The following CMSS1 variants were observed in gnomAD, a reference collection of about 807,000 sequenced individuals.
CMSS1 encodes the protein protein CMSS1.
A neutral mutation model predicts 43.5 loss-of-function variants in CMSS1; 33 were observed. The ratio of observed to expected loss-of-function variants is 0.76; its 90% confidence interval spans 0.57 to 1.01. The LOEUF is 1.01. Among genes scored for constraint, CMSS1 ranks in the 50% least tolerant of loss-of-function variants. The probability of loss-of-function intolerance (pLI) is 0.00; values close to 1 mark genes in which losing one functional copy is unlikely to be tolerated. For synonymous variants in CMSS1, 115 were observed against 117.2 expected, an observed-to-expected ratio of 0.98 and a Z score of 0.12; for missense variants, 313 against 326.4, an observed-to-expected ratio of 0.96 and a Z score of 0.32.
intron 1 of CMSS1, among the ~76,000 whole-genome samples, chr3:99,955,965 C>T (rs891095602): frequency 2.0e-5 from 3 of 152,172 alleles, no homozygotes; most frequent in Non-Finnish European, 2.9e-5. Flanking sequence ...TATTTACTTG[C>T]CTAACTCCCG....
At chr3:100,169,736 C>T (rs560388423) in intron 6 of CMSS1, among the ~76,000 whole-genome samples, 3 of 152,286 alleles carry the variant, frequency 2.0e-5, no homozygotes, top group South Asian at 2.1e-4. Flanking sequence ...CAACTGCTTC[C>T]GGGCAGCTGT....
chr3:99,851,101 G>A (rs1252985168), intron 1 of CMSS1: 1 of 1,518,322 alleles, frequency 6.6e-7, no homozygotes, highest in East Asian at 2.3e-5. Context: ...TTTATTTTGT[G>A]ATTGATGCTT....
rs370295290 is a variant in CMSS1 at position 99,962,866 on chromosome 3, T to C, written c.64+144823T>C. On this transcript the variant is annotated intron_variant, in intron 1 of 9. Coordinates refer to ENST00000421999, the MANE Select transcript of CMSS1 (RefSeq NM_032359.4). ...GTACTCTGAGGGTGCCTTAAGACAA[T>C]GGCTGTAGCCTGCTGTTTATGGTCA... 3.3e-5 allele frequency among the ~76,000 whole-genome samples: 5 copies of C among 152,346 alleles called. No individual in the cohort carries two copies. The East Asian group carries it at 9.6e-4, about 29-fold the overall frequency.
chr3:99,962,261 G>A (rs940998545), intron 1 of CMSS1, among the ~76,000 whole-genome samples: 1 of 152,122 alleles, frequency 6.6e-6, no homozygotes, highest in Non-Finnish European at 1.5e-5. Context: ...AGAAATGCTA[G>A]GGCAGAAACC....
At chr3:100,005,269 T>C (rs1046852567) in intron 1 of CMSS1, among the ~76,000 whole-genome samples, 1 of 152,224 alleles carries the variant, frequency 6.6e-6, no homozygotes, top group Non-Finnish European at 1.5e-5. Flanking sequence ...CTTTGTGTTT[T>C]TGGCTCAATA....
At chr3:100,071,345 T>C (rs1415934177) in intron 1 of CMSS1, among the ~76,000 whole-genome samples, 1 of 152,168 alleles carries the variant, frequency 6.6e-6, no homozygotes, top group East Asian at 1.9e-4. Context: ...TGACCTCCTG[T>C]TCTATGGGGA....
chr3:99,849,596 CTG>C, intron 1 of CMSS1: 1 of 1,613,530 alleles, frequency 6.2e-7, no homozygotes, highest in Non-Finnish European at 8.5e-7. Context: ...TGGCTGGTCT[CTG>C]TCTTTTCTGC....
At chr3:99,860,230 G>C (rs569466521) in intron 1 of CMSS1, among the ~76,000 whole-genome samples, 2 of 152,166 alleles carry the variant, frequency 1.3e-5, no homozygotes, top group Non-Finnish European at 2.9e-5. Context: ...CTTTAGCTTG[G>C]TGTCAGAGGA....
At chr3:100,141,690 G>A (rs2107507754) in intron 1 of CMSS1, 1 of 398,372 alleles carries the variant, frequency 2.5e-6, no homozygotes, top group Middle Eastern at 3.6e-4. Context: ...TGCTGTTGTT[G>A]CCAGGGGTTG....
chr3:99,959,407 C>T (rs1478742585), intron 1 of CMSS1, among the ~76,000 whole-genome samples: 1 of 152,238 alleles, frequency 6.6e-6, no homozygotes, highest in Non-Finnish European at 1.5e-5. Flanking sequence ...GACTCAGACT[C>T]CCAAAGTGCT....
chr3:99,849,229 A>C (rs1943531253), intron 1 of CMSS1: 1 of 1,614,020 alleles, frequency 6.2e-7, no homozygotes, highest in African/African-American at 1.3e-5. Context: ...TTCCAGAGGA[A>C]TGAGGCTCTT....
intron 1 of CMSS1, among the ~76,000 whole-genome samples, chr3:100,096,247 A>G (rs2066205196): frequency 6.6e-6 from 1 of 152,100 alleles, no homozygotes; most frequent in Non-Finnish European, 1.5e-5. Flanking sequence ...TGATCCAGCA[A>G]TCCCACTACT....
chr3:100,037,957 G>GA (rs1232268596), intron 1 of CMSS1, among the ~76,000 whole-genome samples: 993 of 10,644 alleles, frequency 0.093, 11 homozygotes, highest in South Asian at 0.29. Flanking sequence ...TTTTTTTTTT[G>GA]GGGGGGGAGG....
intron 1 of CMSS1, among the ~76,000 whole-genome samples, chr3:100,009,703 C>T (rs1710088458): frequency 6.6e-6 from 1 of 152,242 alleles, no homozygotes; most frequent in Non-Finnish European, 1.5e-5. Flanking sequence ...ACATGATACA[C>T]TGGCACCTTT....
At chr3:99,904,168 C>T (rs1706534580) in intron 1 of CMSS1, among the ~76,000 whole-genome samples, 1 of 152,134 alleles carries the variant, frequency 6.6e-6, no homozygotes, top group Non-Finnish European at 1.5e-5. Flanking sequence ...GTTATTATTG[C>T]TCTTAATGAT....
intron 1 of CMSS1, among the ~76,000 whole-genome samples, chr3:100,144,466 G>A (rs1244062940): frequency 6.6e-6 from 1 of 152,152 alleles, no homozygotes; most frequent in Non-Finnish European, 1.5e-5. Context: ...TGAAGTTGGG[G>A]ATGGATGAGG....
At chr3:99,976,093 C>T (rs1240534406) in intron 1 of CMSS1, among the ~76,000 whole-genome samples, 1 of 152,108 alleles carries the variant, frequency 6.6e-6, no homozygotes, top group African/African-American at 2.4e-5. Flanking sequence ...CCATGTTTTC[C>T]AGGCTGGTCT....
intron 1 of CMSS1, among the ~76,000 whole-genome samples, chr3:99,937,041 A>G (rs898843400): frequency 6.6e-6 from 1 of 151,702 alleles, no homozygotes; most frequent in Non-Finnish European, 1.5e-5. Flanking sequence ...GAGTTCAAGC[A>G]ATTTTCCTGC....
rs138037787 is a variant in CMSS1, at chr3:99,853,232, C to A, written c.64+35189C>A. Among the ~76,000 whole-genome samples the A allele has an allele frequency of 1.6e-3, 238 of 152,310 alleles. 2 individuals carry two copies. In the Middle Eastern group the frequency reaches 0.02, roughly 13 times the overall value. On this transcript the variant is annotated intron_variant, in intron 1 of 9. Transcript: ENST00000421999. ...TTTGGCAAAGTGCTTCTTTCTCCTG[C>A]CTTAGCATTAGAATTCATTCGATGT... is the stretch of plus-strand genomic sequence containing the variant.
Sources: gnomAD v4.1 joint callset for allele counts (sites outside exome capture counted in the v4.1 genomes callset) on GRCh38, gnomAD v4.1.1 for gene constraint, MANE v1.5 for transcripts, NCBI Gene and HGNC (gene_info 2026-07-23, HGNC 2026-07-21) for gene names.